The following SPIRE1 variants were observed in gnomAD, a reference collection of about 807,000 sequenced individuals.
The protein encoded by SPIRE1 is protein spire homolog 1.
A neutral mutation model predicts 94.1 loss-of-function variants in SPIRE1; 40 were observed. The ratio of observed to expected loss-of-function variants is 0.43; its 90% CI spans 0.33 to 0.55. The LOEUF (loss-of-function observed/expected upper bound fraction) is 0.55. Among genes scored for constraint, SPIRE1 ranks in the 20% least tolerant of loss-of-function variants. SPIRE1 has a pLI of 0.06. For missense variants in SPIRE1, 838 were observed against 975.2 expected (o/e 0.86, Z 1.87); for synonymous variants, 376 against 371.7 (o/e 1.01, Z -0.13).
intron 1 of SPIRE1, among the ~76,000 whole-genome samples, chr18:12,642,692 C>T (rs2038119259): frequency 6.6e-6 from 1 of 152,066 alleles, no homozygotes; most frequent in African/African-American, 2.4e-5. Flanking sequence ...AATGGTCTCA[C>T]TCATAAGTGG....
At chr18:12,482,150 T>C (rs981882911) in intron 9 of SPIRE1, among the ~76,000 whole-genome samples, 2 of 152,174 alleles carry the variant, frequency 1.3e-5, no homozygotes, top group African/African-American at 4.8e-5. Context: ...TTGGCAGTTA[T>C]TTATTTTTTA....
intron 2 of SPIRE1, among the ~76,000 whole-genome samples, chr18:12,572,626 A>T (rs1378805768): frequency 2.0e-5 from 3 of 152,236 alleles, no homozygotes; most frequent in African/African-American, 7.2e-5. Flanking sequence ...AAACAAAAAA[A>T]ATTGTTAAAA....
chr18:12,509,374 C>T (rs1306349250), intron 5 of SPIRE1, among the ~76,000 whole-genome samples: 1 of 152,180 alleles, frequency 6.6e-6, no homozygotes, highest in Non-Finnish European at 1.5e-5. Context: ...TTTATACTAG[C>T]TGTTTGCTAA....
At chr18:12,479,356 G>A (rs2032755317) in intron 10 of SPIRE1, among the ~76,000 whole-genome samples, 1 of 151,402 alleles carries the variant, frequency 6.6e-6, no homozygotes, top group Non-Finnish European at 1.5e-5. Flanking sequence ...TTAATTTTTT[G>A]TAGAGACAGG....
intron 7 of SPIRE1, among the ~76,000 whole-genome samples, chr18:12,494,434 TA>T (rs150535497): frequency 6.6e-5 from 10 of 152,152 alleles, no homozygotes; most frequent in Non-Finnish European, 1.3e-4. Context: ...CCTACCATCC[TA>T]CCATGACCAC....
chr18:12,528,847 A>C (rs1221078308), intron 4 of SPIRE1, among the ~76,000 whole-genome samples: 1 of 152,244 alleles, frequency 6.6e-6, no homozygotes, highest in African/African-American at 2.4e-5. Context: ...GTGAGAAACC[A>C]GACCTACAAT....
chr18:12,552,092 CG>C (rs1267915929), intron 2 of SPIRE1, among the ~76,000 whole-genome samples: 1 of 152,230 alleles, frequency 6.6e-6, no homozygotes, highest in Non-Finnish European at 1.5e-5. Context: ...TTAAGACCAG[CG>C]CTAGCCACAG....
chr18:12,586,283 C>T lies in SPIRE1; in HGVS notation c.373-39379G>A, dbSNP rs1223328699. On this transcript the variant is annotated intron_variant, in intron 2 of 16. Coordinates refer to ENST00000409402, the MANE Select transcript of SPIRE1 (RefSeq NM_001128626.2). The stretch of plus-strand genomic sequence containing the variant: ...TCATACTTTTTAAATTACAAAAAAA[C>T]GTAAAAATCACATTTCACAACTGAG... 2.0e-5 allele frequency among the ~76,000 whole-genome samples: 3 copies of T among 152,238 alleles called. No individual in the cohort carries two copies. In the South Asian group the frequency reaches 6.2e-4, roughly 32 times the overall value.
chr18:12,510,547 C>CTT (rs555228447), intron 5 of SPIRE1, among the ~76,000 whole-genome samples: 2 of 144,016 alleles, frequency 1.4e-5, no homozygotes, highest in African/African-American at 2.5e-5. Flanking sequence ...CAACAATCTT[C>CTT]TTTTTTTTTT....
At chr18:12,611,857 A>C (rs1166615710) in intron 2 of SPIRE1, among the ~76,000 whole-genome samples, 1 of 150,198 alleles carries the variant, frequency 6.7e-6, no homozygotes, top group South Asian at 2.1e-4. Context: ...GTATTTTAGT[A>C]GAGAAGAAGT....
intron 5 of SPIRE1, among the ~76,000 whole-genome samples, chr18:12,509,006 A>C (rs767737250): frequency 1.3e-5 from 2 of 152,162 alleles, no homozygotes; most frequent in Non-Finnish European, 2.9e-5. Flanking sequence ...TTTTGTGTGC[A>C]TGATTGTTTG....
At chr18:12,569,461 A>C (rs1385201542) in intron 2 of SPIRE1, among the ~76,000 whole-genome samples, 2 of 152,156 alleles carry the variant, frequency 1.3e-5, no homozygotes, top group Non-Finnish European at 2.9e-5. Context: ...TTGCCAGAAA[A>C]GCATATACCT....
intron 10 of SPIRE1, among the ~76,000 whole-genome samples, chr18:12,467,751 A>C (rs1335893685): frequency 6.6e-6 from 1 of 152,202 alleles, no homozygotes; most frequent in African/African-American, 2.4e-5. Context: ...GGAGCTGGAG[A>C]CCAGCCTGAC....
intron 2 of SPIRE1, among the ~76,000 whole-genome samples, chr18:12,576,890 CAA>C (rs398032016): frequency 5.6e-5 from 5 of 89,974 alleles, no homozygotes; most frequent in Admixed American, 2.8e-4. Context: ...CTCTGTTTCA[CAA>C]AAAAAAAAAA....
Position 12,657,592 on chromosome 18 carries a change from C to G in SPIRE1, c.275G>C (p.Arg92Thr). 1 of 1,260,210 alleles carries G rather than the reference C, an allele frequency of 7.9e-7. No individual in the cohort carries two copies. Among genetic ancestry groups the G allele is most frequent in the Non-Finnish European group, 9.9e-7 (1 of 1,005,704 alleles). The allele number at this position is 1,260,210 out of a possible 1,614,324, so 78.1% of individuals were successfully genotyped here. A position where few individuals can be genotyped will look rare whatever the true frequency, so the allele number is the denominator to read the frequency against. Reference sequence around the variant, plus strand: ...GGGCGCCAGGGTGACGGCGCCGTCCCTCCAGACGCGGATCTGCGCGGCCGA... The same window carrying G: ...GGGCGCCAGGGTGACGGCGCCGTCCGTCCAGACGCGGATCTGCGCGGCCGA... ...VRSAAQIRVW[R>T]DGAVTLAPAA... Residue 92 changes from arginine to threonine, a missense_variant, in exon 1 of 17, where the codon AGG (arginine) becomes ACG (threonine). Arg to Thr is a moderately conservative substitution (Grantham distance 71). This residue lies in a region of SPIRE1 where 193 missense variants were observed against 170.5 expected (regional missense o/e 1.13). Transcript: ENST00000409402.
rs576108874 is a variant in SPIRE1, at chr18:12,572,890, G to A, written c.373-25986C>T. On this transcript the variant is annotated intron_variant, in intron 2 of 16. Coordinates refer to ENST00000409402, the MANE Select transcript of SPIRE1 (RefSeq NM_001128626.2). ...ACCTTTCACAAAAATTAACTCAAAAGGGATGATAGACCTAAATGTAAAATC... is the reference window on the plus strand; with the variant it reads ...ACCTTTCACAAAAATTAACTCAAAAAGGATGATAGACCTAAATGTAAAATC... Among the ~76,000 whole-genome samples the A allele has an allele frequency of 6.6e-5, 10 of 152,220 alleles. No individual in the cohort carries two copies. In the South Asian group the frequency reaches 1.7e-3, roughly 25 times the overall value.
chr18:12,574,876 G>A (rs373139742), intron 2 of SPIRE1, among the ~76,000 whole-genome samples: 10 of 152,348 alleles, frequency 6.6e-5, no homozygotes, highest in African/African-American at 2.4e-4. Context: ...AATATTTCAA[G>A]AAGGAAGGCA....
At chr18:12,532,799 C>G (rs1274715116) in intron 4 of SPIRE1, among the ~76,000 whole-genome samples, 1 of 152,094 alleles carries the variant, frequency 6.6e-6, no homozygotes, top group Non-Finnish European at 1.5e-5. Context: ...TTCCTGAAAC[C>G]TGAGTGTTGA....
intron 2 of SPIRE1, among the ~76,000 whole-genome samples, chr18:12,589,739 C>T (rs2036479107): frequency 6.6e-6 from 1 of 152,198 alleles, no homozygotes; most frequent in Non-Finnish European, 1.5e-5. Context: ...TTCTGGTTCT[C>T]ATTCAATGAC....
Sources: gnomAD v4.1 joint callset for allele counts (sites outside exome capture counted in the v4.1 genomes callset) on GRCh38, gnomAD v4.1.1 for gene constraint, gnomAD v4.1.1 regional missense constraint, MANE v1.5 for transcripts, NCBI Gene and HGNC (gene_info 2026-07-23, HGNC 2026-07-21) for gene names.